Variants in NELFE observed in about 807,000 individuals in gnomAD.
NELFE encodes negative elongation factor E.
NELFE carries 26 observed loss-of-function variants against 55.5 expected under a neutral mutation model. The observed-to-expected ratio is 0.47, with a 90% confidence interval of 0.34 to 0.65. The LOEUF (loss-of-function observed/expected upper bound fraction) is 0.65, where lower values mean the gene tolerates loss of function less well. NELFE is among the 30% of genes least tolerant of loss of function. The probability of loss-of-function intolerance (pLI) is 0.01; values close to 1 mark genes in which losing one functional copy is unlikely to be tolerated. For missense variants in NELFE, 403 were observed against 506.9 expected, an observed-to-expected ratio of 0.80 and a Z score of 1.97; for synonymous variants, 162 against 178.0, an observed-to-expected ratio of 0.91 and a Z score of 0.72.
At position 31,956,999 on chromosome 6, in the gene NELFE, C is replaced by T. The variant is rs1175865586; in HGVS notation, c.87G>A (p.Leu29=). The T allele has an allele frequency of 3.8e-6, 6 of 1,599,076 alleles. No individual in the cohort carries two copies. The highest frequency in any genetic ancestry group is 5.1e-6 in the Non-Finnish European group (6 of 1,168,438). Residue 29 remains leucine (L), a synonymous_variant, in exon 3 of 11, where the codon TTG becomes TTA. Coordinates refer to ENST00000375429, the MANE Select transcript of NELFE (RefSeq NM_002904.6). ...FNKLKKKKKA[L]LALKKQSSSS... is the part of the protein sequence containing the mutation. ...TGCTACTTTGCTTCTTCAGAGCCAG[C>T]AATGCCTTTTTCTGGGAACAAGGGT... is the stretch of plus-strand genomic sequence containing the variant.
chr6:31,958,941 T>G lies in NELFE; in HGVS notation c.-58A>C, dbSNP rs1772277697. The G allele has an allele frequency of 3.4e-6, 2 of 595,946 alleles. No homozygotes were observed. Among genetic ancestry groups the G allele is most frequent in the Non-Finnish European group, 3.0e-6 (1 of 336,720 alleles). The allele number at this position is 595,946 out of a possible 1,614,324, so 36.9% of individuals were successfully genotyped here. ...CCACGGTCTCCGGCCGCGCCCGCGC[T>G]GGCCGCTGATAGCGGGCTCACAACG... On this transcript the variant is annotated 5_prime_UTR_variant, in exon 1 of 11. Transcript: ENST00000375429.
chr6:31,954,505 C>A lies in NELFE; in HGVS notation c.742+50G>T. The A allele has an allele frequency of 6.3e-7, 1 of 1,582,762 alleles. No homozygotes were observed. On this transcript the variant is annotated intron_variant, in intron 7 of 10. Transcript: ENST00000375429. This position sits in a 1 kb window ranked among gnomAD's most constrained non-coding sequence, Gnocchi z 5.5. ...ATGCCACATTTCACTTAGTAGGACC[C>A]ACATAAACCTCAGTTAAGGTCACCT...
At chr6:31,957,338 A>G in intron 2 of NELFE, 1 of 563,864 alleles carries the variant, frequency 1.8e-6, no homozygotes, top group Non-Finnish European at 3.3e-6. Flanking sequence ...AGCTTCATCC[A>G]TCTATTTCCT....
At chr6:31,958,792 C>T (rs1772259346) in intron 1 of NELFE, 100 bp downstream of exon 1, 1 of 683,172 alleles carries the variant, frequency 1.5e-6, no homozygotes, top group African/African-American at 1.8e-5. Flanking sequence ...GCAGAGAAGG[C>T]GGTGGAGCCA....
chr6:31,958,897 G>C lies in NELFE; in HGVS notation c.-14C>G, dbSNP rs1022511488. On this transcript the variant is annotated 5_prime_UTR_variant, in exon 1 of 11. Coordinates refer to ENST00000375429, the MANE Select transcript of NELFE (RefSeq NM_002904.6). Reference sequence around the variant, plus strand: ...TGAGAAGCAGAGGGCCTTACCCGAGGGGGCGGCAACCGGGGGCCCCACGGT... The same window carrying C: ...TGAGAAGCAGAGGGCCTTACCCGAGCGGGCGGCAACCGGGGGCCCCACGGT... 3.4e-6 allele frequency: 2 copies of C among 593,446 alleles called. No homozygotes were observed. The highest frequency in any genetic ancestry group is 5.7e-5 in the East Asian group (2 of 35,298). The allele number at this position is 593,446 out of a possible 1,614,324, so 36.8% of individuals were successfully genotyped here. A position where few individuals can be genotyped will look rare whatever the true frequency, so the allele number is the denominator to read the frequency against.
chr6:31,958,825 C>T, intron 1 of NELFE, 67 bp downstream of exon 1: 1 of 657,046 alleles, frequency 1.5e-6, no homozygotes, highest in Non-Finnish European at 2.8e-6. Context: ...CAGAGCAACG[C>T]AAAGAGGAAG....
intron 6 of NELFE, 55 bp downstream of exon 6, chr6:31,955,004 G>A (rs1004974933): frequency 6.2e-7 from 1 of 1,613,292 alleles, no homozygotes; most frequent in Non-Finnish European, 8.5e-7. Flanking sequence ...AACCTCCCAA[G>A]GACTCAGGCA....
At chr6:31,955,956 G>C (rs1187267924) in intron 4 of NELFE, among the ~76,000 whole-genome samples, 1 of 148,536 alleles carries the variant, frequency 6.7e-6, no homozygotes, top group Non-Finnish European at 1.5e-5. Flanking sequence ...TTTTTGAGAC[G>C]GAGTCTCGCT....
chr6:31,956,576 G>T, intron 4 of NELFE, 117 bp downstream of exon 4: 1 of 1,115,196 alleles, frequency 9.0e-7, no homozygotes, highest in Non-Finnish European at 1.3e-6. Context: ...CATGAGAGGT[G>T]AAACTCAGAA....
At position 31,956,843 on chromosome 6, in the gene NELFE, A is replaced by G. The variant is rs1239756900; in HGVS notation, c.146-5T>C. ...TGACAGGCTGCTCTGATAGTGCTGGAGAGACAAGGGGAAGAGGCATTATGT... is the reference window on the plus strand; with the variant it reads ...TGACAGGCTGCTCTGATAGTGCTGGGGAGACAAGGGGAAGAGGCATTATGT... On this transcript the variant is annotated splice_polypyrimidine_tract_variant and splice_region_variant and intron_variant, in intron 3 of 10. Transcript: ENST00000375429. 3.1e-6 allele frequency: 5 copies of G among 1,612,896 alleles called. No individual in the cohort carries two copies. The Admixed American group carries it at 8.3e-5, about 27-fold the overall frequency.
At position 31,956,842 on chromosome 6, in the gene NELFE, G is replaced by A; in HGVS notation, c.146-4C>T. 1 of 1,613,032 alleles carries A rather than the reference G, an allele frequency of 6.2e-7. No individual in the cohort carries two copies. The highest frequency in any genetic ancestry group is 8.5e-7 in the Non-Finnish European group (1 of 1,180,024). Reference sequence around the variant, plus strand: ...ATGACAGGCTGCTCTGATAGTGCTGGAGAGACAAGGGGAAGAGGCATTATG... The same window carrying A: ...ATGACAGGCTGCTCTGATAGTGCTGAAGAGACAAGGGGAAGAGGCATTATG... On this transcript the variant is annotated splice_polypyrimidine_tract_variant and splice_region_variant and intron_variant, in intron 3 of 10. Coordinates refer to ENST00000375429, the MANE Select transcript of NELFE (RefSeq NM_002904.6).
intron 4 of NELFE, among the ~76,000 whole-genome samples, chr6:31,955,623 A>ATT (rs1187879033): frequency 3.5e-5 from 4 of 115,616 alleles, no homozygotes; most frequent in Non-Finnish European, 3.7e-5. Context: ...TAATTTCTGT[A>ATT]TTTTTTTTTT....
At chr6:31,955,936 A>ATT (rs35917342) in intron 4 of NELFE, among the ~76,000 whole-genome samples, 27 of 141,354 alleles carry the variant, frequency 1.9e-4, no homozygotes, top group African/African-American at 2.8e-4. Flanking sequence ...CATTCTGCTA[A>ATT]TTTTTTTTTT....
At position 31,954,802 on chromosome 6, in the gene NELFE, G is replaced by T. The variant is rs1427871925; in HGVS notation, c.495C>A (p.Ser165Arg). The part of the protein sequence containing the change: ...GPGAGDGPPR[S>R]FDWGYEERSG... ...TGCGTTCTTCATAGCCCCAGTCAAA[G>T]CTTCGAGGGGGACCATCACCAGCCC... is the stretch of plus-strand genomic sequence containing the variant. The change falls in exon 7 of 11, where the codon AGC becomes AGA. Residue 165 changes from serine to arginine, a missense_variant. Ser to Arg is a moderately radical substitution (Grantham distance 110). Around this residue, in one of 3 missense-constraint regions of NELFE, gnomAD observed 229 missense variants for 228.3 expected, o/e 1.00. Transcript: ENST00000375429. This position sits in a 1 kb window ranked among gnomAD's most constrained non-coding sequence, Gnocchi z 5.5. 4 of 1,606,080 alleles carry T rather than the reference G, an allele frequency of 2.5e-6. No homozygotes were observed. The Admixed American group carries it at 5.0e-5, about 20-fold the overall frequency.
At chr6:31,958,734 C>T (rs1046054276) in intron 1 of NELFE, 158 bp downstream of exon 1, 4 of 701,968 alleles carry the variant, frequency 5.7e-6, no homozygotes, top group African/African-American at 5.2e-5. Flanking sequence ...CGATGGCACC[C>T]GACCCCCCTA....
intron 10 of NELFE, 43 bp from the exon 11 acceptor site, chr6:31,952,441 A>G (rs1199400337): frequency 6.8e-7 from 1 of 1,460,542 alleles, no homozygotes; most frequent in African/African-American, 1.4e-5. Context: ...AAAGGAGATC[A>G]TAGAACAGAC....
intron 4 of NELFE, among the ~76,000 whole-genome samples, chr6:31,955,584 G>A (rs1425425254): frequency 6.6e-6 from 1 of 150,618 alleles, no homozygotes; most frequent in Non-Finnish European, 1.5e-5. Flanking sequence ...TAGTAGCTGG[G>A]ACTAGAGATG....
chr6:31,956,566 C>T, intron 4 of NELFE, 127 bp downstream of exon 4: 4 of 996,906 alleles, frequency 4.0e-6, no homozygotes, highest in Middle Eastern at 4.4e-4. Flanking sequence ...TCATTTTATA[C>T]ATGAGAGGTG....
At chr6:31,955,147 G>A (rs1035038373) in intron 5 of NELFE, 51 bp from the exon 6 acceptor site, 1 of 1,612,114 alleles carries the variant, frequency 6.2e-7, no homozygotes, top group South Asian at 1.1e-5. Flanking sequence ...GCTGACATGT[G>A]GTCCAAAATA....
Sources: allele counts gnomAD v4.1 joint callset (sites outside exome capture counted in the v4.1 genomes callset), GRCh38; gene constraint gnomAD v4.1.1; regional missense constraint gnomAD v4.1.1; non-coding constraint Gnocchi (gnomAD v3.1); transcripts MANE v1.5; gene names NCBI Gene and HGNC (gene_info 2026-07-23, HGNC 2026-07-21).